The following KALRN variants were observed in gnomAD, a reference collection of about 807,000 sequenced individuals.
KALRN encodes kalirin.
Under a neutral mutation model 353.7 loss-of-function variants are expected in KALRN, and 70 were observed. The observed-to-expected ratio is 0.20, with a 90% CI of 0.16 to 0.24. KALRN has a LOEUF of 0.24. Ranked by LOEUF, KALRN falls within the 10% of genes least tolerant of loss-of-function variation. The probability of loss-of-function intolerance (pLI) is 1.00; values close to 1 mark genes in which losing one functional copy is unlikely to be tolerated. For missense variants in KALRN, 2,791 were observed against 3,756.7 expected (o/e 0.74, Z 6.72); for synonymous variants, 1,391 against 1,434.8 (o/e 0.97, Z 0.69).
chr3:124,362,712 GCTCATCACCTGC>G (rs1449455530), intron 10 of KALRN, among the ~76,000 whole-genome samples: 1 of 152,216 alleles, frequency 6.6e-6, no homozygotes, highest in Admixed American at 6.5e-5. Context: ...GTGGACTTTG[GCTCATCACCTGC>G]CTAGAATTTT....
At chr3:124,257,569 C>A (rs2072199258) in intron 3 of KALRN, among the ~76,000 whole-genome samples, 1 of 152,244 alleles carries the variant, frequency 6.6e-6, no homozygotes, top group Admixed American at 6.5e-5. Flanking sequence ...ACATTTATGA[C>A]TTCTGGGCCC....
At chr3:124,657,700 T>A (rs774928958) in intron 40 of KALRN, 34 bp from the exon 41 acceptor site, 1 of 1,517,896 alleles carries the variant, frequency 6.6e-7, no homozygotes, top group Non-Finnish European at 9.1e-7. Context: ...CTGAATAATG[T>A]GGCTTCCTTC....
At chr3:124,277,556 C>T (rs565068877) in intron 5 of KALRN, among the ~76,000 whole-genome samples, 1 of 152,344 alleles carries the variant, frequency 6.6e-6, no homozygotes, top group South Asian at 2.1e-4. Context: ...CCGTGTTCTA[C>T]AGGCTGCATG....
At chr3:124,270,145 A>C (rs2073980936) in intron 5 of KALRN, among the ~76,000 whole-genome samples, 1 of 152,258 alleles carries the variant, frequency 6.6e-6, no homozygotes, top group Non-Finnish European at 1.5e-5. Flanking sequence ...TATGTGCTTT[A>C]AGAAGAATAA....
intron 1 of KALRN, among the ~76,000 whole-genome samples, chr3:124,149,580 A>C (rs2067812219): frequency 6.6e-6 from 1 of 152,218 alleles, no homozygotes; most frequent in African/African-American, 2.4e-5. Context: ...GACAGAGCAC[A>C]TGACAAATAT....
In KALRN at chr3:124,717,397, T is replaced by C; in HGVS notation, c.8415+12T>C. ...ATTTGGACATAAAGGTAATAAGAAG[T>C]GGCAACCTGCTGGGCGCAGTGGCTC... On this transcript the variant is annotated intron_variant, in intron 59 of 59. Transcript: ENST00000682506. 1 of 1,582,442 alleles carries C rather than the reference T, an allele frequency of 6.3e-7. No homozygotes were observed. The highest frequency in any genetic ancestry group is 8.6e-7 in the Non-Finnish European group (1 of 1,163,506).
chr3:124,158,476 C>T (rs1287874799), intron 1 of KALRN, among the ~76,000 whole-genome samples: 2 of 152,192 alleles, frequency 1.3e-5, no homozygotes, highest in Non-Finnish European at 2.9e-5. Flanking sequence ...GTGATTCTGT[C>T]CTCTCTGGAG....
intron 5 of KALRN, among the ~76,000 whole-genome samples, chr3:124,270,258 A>G (rs1390132510): frequency 1.3e-5 from 2 of 152,234 alleles, no homozygotes; most frequent in African/African-American, 4.8e-5. Context: ...TGTGAATTTT[A>G]CAATGTCTGA....
chr3:124,398,132 C>T (rs2090393557), intron 12 of KALRN, among the ~76,000 whole-genome samples: 1 of 152,198 alleles, frequency 6.6e-6, no homozygotes, highest in Non-Finnish European at 1.5e-5. Flanking sequence ...CTAAGTATAG[C>T]CTGAGCCTGT....
intron 47 of KALRN, among the ~76,000 whole-genome samples, chr3:124,669,963 C>CT (rs61190740): frequency 0.025 from 3,377 of 136,410 alleles, 112 homozygotes; most frequent in African/African-American, 0.076. Flanking sequence ...CATATATTTT[C>CT]TTTTTTTTTT....
chr3:124,667,405 A>G (rs1176247427), intron 47 of KALRN, among the ~76,000 whole-genome samples: 2 of 152,198 alleles, frequency 1.3e-5, no homozygotes, highest in Non-Finnish European at 2.9e-5. Flanking sequence ...GATAGAAGAG[A>G]TTTCACTTAT....
At chr3:124,107,594 G>A (rs2062426477) in intron 1 of KALRN, among the ~76,000 whole-genome samples, 2 of 152,032 alleles carry the variant, frequency 1.3e-5, no homozygotes, top group Admixed American at 1.3e-4. Context: ...CTCATGCCTG[G>A]GAAGGAATAA....
chr3:124,676,495 A>G (rs2087204793), intron 49 of KALRN, among the ~76,000 whole-genome samples: 1 of 152,124 alleles, frequency 6.6e-6, no homozygotes. Flanking sequence ...AGCTCCCCAA[A>G]CCATGATGAC....
intron 34 of KALRN, among the ~76,000 whole-genome samples, chr3:124,623,864 A>T (rs1187063409): frequency 6.6e-6 from 1 of 152,184 alleles, no homozygotes; most frequent in Admixed American, 6.5e-5. Flanking sequence ...ACTGGTTAGG[A>T]TATGTTCAGT....
In KALRN at chr3:124,334,587, C is replaced by A; in HGVS notation, c.1647+92C>A. 1 of 797,986 alleles carries A rather than the reference C, an allele frequency of 1.3e-6. No homozygotes were observed. Among genetic ancestry groups the A allele is most frequent in the Non-Finnish European group, 2.0e-6 (1 of 495,192 alleles). The allele number at this position is 797,986 out of a possible 1,614,324, so 49.4% of individuals were successfully genotyped here. A position where few individuals can be genotyped will look rare whatever the true frequency, so the allele number is the denominator to read the frequency against. ...CCTAGGTGATCAGGCTTAGGAGAGCCCAGATTTATAGAAGGACATAATGAA... is the reference window on the plus strand; with the variant it reads ...CCTAGGTGATCAGGCTTAGGAGAGCACAGATTTATAGAAGGACATAATGAA... On this transcript the variant is annotated intron_variant, in intron 9 of 59. Coordinates refer to ENST00000682506, the MANE Select transcript of KALRN (RefSeq NM_001388419.1). This position sits in a 1 kb window ranked among gnomAD's most constrained non-coding sequence, Gnocchi z 4.2.
intron 34 of KALRN, among the ~76,000 whole-genome samples, chr3:124,568,029 G>T (rs2073067268): frequency 6.6e-6 from 1 of 152,264 alleles, no homozygotes; most frequent in Admixed American, 6.5e-5. Context: ...TTCCCTTAGG[G>T]TTGAGAACCA....
At chr3:124,436,189 C>T (rs983707994) in intron 17 of KALRN, among the ~76,000 whole-genome samples, 1 of 152,184 alleles carries the variant, frequency 6.6e-6, no homozygotes, top group South Asian at 2.1e-4. Flanking sequence ...TAATATTATA[C>T]ACAAATGTTA....
intron 45 of KALRN, among the ~76,000 whole-genome samples, chr3:124,664,380 C>CGT (rs1280252935): frequency 1.5e-4 from 23 of 149,194 alleles, no homozygotes; most frequent in East Asian, 5.9e-4. Context: ...TGCGCGCGCG[C>CGT]GCATATAAGG....
chr3:124,510,834 A>G (rs182276825), intron 33 of KALRN, among the ~76,000 whole-genome samples: 1 of 152,264 alleles, frequency 6.6e-6, no homozygotes, highest in Admixed American at 6.5e-5. Flanking sequence ...TTCTTCAACA[A>G]TAGTTTTTGT....
Sources: allele counts gnomAD v4.1 joint callset (sites outside exome capture counted in the v4.1 genomes callset), GRCh38; gene constraint gnomAD v4.1.1; non-coding constraint Gnocchi (gnomAD v3.1); transcripts MANE v1.5; gene names NCBI Gene and HGNC (gene_info 2026-07-23, HGNC 2026-07-21).